Variants in KIRREL3 observed in about 807,000 individuals in gnomAD.
KIRREL3 encodes the protein kin of IRRE-like protein 3.
A neutral mutation model predicts 89.7 loss-of-function variants in KIRREL3; 36 were observed. The ratio of observed to expected loss-of-function variants is 0.40; its 90% confidence interval spans 0.31 to 0.53. The LOEUF (loss-of-function observed/expected upper bound fraction) is 0.53, where lower values mean the gene tolerates loss of function less well. Among genes scored for constraint, KIRREL3 ranks in the 20% least tolerant of loss-of-function variants. The pLI is 0.49. For missense variants in KIRREL3, 864 were observed against 1,056.6 expected, an observed-to-expected ratio of 0.82 and a Z score of 2.53; for synonymous variants, 445 against 441.4, an observed-to-expected ratio of 1.01 and a Z score of -0.10.
At position 126,795,043 on chromosome 11, in the gene KIRREL3, CA is replaced by C. The variant is rs1408136761; in HGVS notation, c.55+205411del. Among the ~76,000 whole-genome samples, 40 of 152,276 alleles carry C rather than the reference CA, an allele frequency of 2.6e-4. No individual in the cohort carries two copies. Among genetic ancestry groups the C allele is most frequent in the African/African-American group, 9.1e-4 (38 of 41,566 alleles). The stretch of plus-strand genomic sequence containing the variant: ...CTATATAATATTCTGGAAAGGCAGA[CA>C]AAAGAAAGTTCAGTGTTTGCCAGGG... On this transcript the variant is annotated intron_variant, in intron 1 of 16. Coordinates refer to ENST00000525144, the MANE Select transcript of KIRREL3 (RefSeq NM_032531.4). The surrounding 1 kb of genome is among the most constrained non-coding windows in gnomAD (Gnocchi z 4.1).
At chr11:126,968,106 G>A (rs1243719464) in intron 1 of KIRREL3, among the ~76,000 whole-genome samples, 1 of 152,230 alleles carries the variant, frequency 6.6e-6, no homozygotes, top group Middle Eastern at 3.2e-3. Context: ...TAAATGTAGA[G>A]TTGTTGGATT....
At position 126,931,381 on chromosome 11, in the gene KIRREL3, C is replaced by T. The variant is rs1947942423; in HGVS notation, c.55+69074G>A. On this transcript the variant is annotated intron_variant, in intron 1 of 16. Transcript: ENST00000525144. The surrounding 1 kb of genome is among the most constrained non-coding windows in gnomAD (Gnocchi z 5.1). Reference sequence around the variant, plus strand: ...TCCTTCTTTCCTTCCTTCCTCCCTACCCCACCCTACTTTCCTGTCAATCAC... The same window carrying T: ...TCCTTCTTTCCTTCCTTCCTCCCTATCCCACCCTACTTTCCTGTCAATCAC... Among the ~76,000 whole-genome samples the T allele has an allele frequency of 6.6e-6, 1 of 152,154 alleles. No homozygotes were observed. Among genetic ancestry groups the T allele is most frequent in the Non-Finnish European group, 1.5e-5 (1 of 68,032 alleles).
rs1946235623 is a variant in KIRREL3, at chr11:126,898,042, CT to C, written c.55+102412del. Among the ~76,000 whole-genome samples the C allele has an allele frequency of 1.3e-5, 2 of 152,158 alleles. No homozygotes were observed. Among genetic ancestry groups the C allele is most frequent in the South Asian group, 4.1e-4 (2 of 4,822 alleles). ...TTAGCAGTCATTGTGTGGCCTGGAG[CT>C]CACATGGGTTGGGAAGTTTGGACAA... On this transcript the variant is annotated intron_variant, in intron 1 of 16. Coordinates refer to ENST00000525144, the MANE Select transcript of KIRREL3 (RefSeq NM_032531.4). This position sits in a 1 kb window ranked among gnomAD's most constrained non-coding sequence, Gnocchi z 4.9.
chr11:126,478,619 G>A lies in KIRREL3; in HGVS notation c.434-5153C>T, dbSNP rs557585650. On this transcript the variant is annotated intron_variant, in intron 4 of 16. Transcript: ENST00000525144. ...TATATGTATATGCATGTATATGTGT[G>A]TATGTGTGTATGCGTGTGTATGTGT... Among the ~76,000 whole-genome samples, 30 of 106,506 alleles carry A rather than the reference G, an allele frequency of 2.8e-4. No individual in the cohort carries two copies. In the East Asian group the frequency reaches 0.011, roughly 38 times the overall value. The allele number at this position is 106,506 out of a possible 152,430, so 69.9% of individuals were successfully genotyped here.
In KIRREL3 at chr11:126,912,696, T is replaced by C. The variant is rs1946872559; in HGVS notation, c.55+87759A>G. On this transcript the variant is annotated intron_variant, in intron 1 of 16. Coordinates refer to ENST00000525144, the MANE Select transcript of KIRREL3 (RefSeq NM_032531.4). This position sits in a 1 kb window ranked among gnomAD's most constrained non-coding sequence, Gnocchi z 4.7. ...CCTGCTGTTCATCATGTTTCTGGGGTCTTTGTTTCAAATGTGAGGCACAAC... is the reference window on the plus strand; with the variant it reads ...CCTGCTGTTCATCATGTTTCTGGGGCCTTTGTTTCAAATGTGAGGCACAAC... Among the ~76,000 whole-genome samples, 1 of 152,170 alleles carries C rather than the reference T, an allele frequency of 6.6e-6. No individual in the cohort carries two copies. The highest frequency in any genetic ancestry group is 1.5e-5 in the Non-Finnish European group (1 of 68,038).
intron 4 of KIRREL3, among the ~76,000 whole-genome samples, chr11:126,497,633 T>C (rs1957716031): frequency 6.6e-6 from 1 of 152,220 alleles, no homozygotes; most frequent in Non-Finnish European, 1.5e-5. Context: ...GAGCAAACTC[T>C]CTTCTGGTTG....
intron 2 of KIRREL3, among the ~76,000 whole-genome samples, chr11:126,529,609 A>C (rs1958879648): frequency 6.8e-6 from 1 of 147,738 alleles, no homozygotes; most frequent in African/African-American, 2.5e-5. Context: ...TCTCAAAAAA[A>C]AAAAAAAAAG....
chr11:126,494,439 C>T (rs1957603496), intron 4 of KIRREL3, among the ~76,000 whole-genome samples: 1 of 152,116 alleles, frequency 6.6e-6, no homozygotes, highest in Admixed American at 6.5e-5. Flanking sequence ...CACGTTTTCC[C>T]TCTTGCTGCA....
In KIRREL3 at chr11:126,537,994, G is replaced by A. The variant is rs1366584933; in HGVS notation, c.134-11307C>T. ...AGACAGTGGGTGAGCCCTCCCATTG[G>A]CTCTGCCTCTTTCTTGAGCTTGGGA... On this transcript the variant is annotated intron_variant, in intron 2 of 16. Transcript: ENST00000525144. The surrounding 1 kb of genome is among the most constrained non-coding windows in gnomAD (Gnocchi z 4.3). Among the ~76,000 whole-genome samples, 1 of 151,562 alleles carries A rather than the reference G, an allele frequency of 6.6e-6. No homozygotes were observed. The highest frequency in any genetic ancestry group is 1.5e-5 in the Non-Finnish European group (1 of 67,912).
rs1299576902 is a variant in KIRREL3 at position 126,682,346 on chromosome 11, A to G, written c.56-119434T>C. 6.6e-6 allele frequency among the ~76,000 whole-genome samples: 1 copy of G among 152,196 alleles called. No homozygotes were observed. Among genetic ancestry groups the G allele is most frequent in the Admixed American group, 6.5e-5 (1 of 15,290 alleles). On this transcript the variant is annotated intron_variant, in intron 1 of 16. Coordinates refer to ENST00000525144, the MANE Select transcript of KIRREL3 (RefSeq NM_032531.4). This position sits in a 1 kb window ranked among gnomAD's most constrained non-coding sequence, Gnocchi z 4.8. ...ATGTAACTTAACCTCTCTGAAGCACAGTTTCCTCATCTGCAAAATGAGGAT... is the reference window on the plus strand; with the variant it reads ...ATGTAACTTAACCTCTCTGAAGCACGGTTTCCTCATCTGCAAAATGAGGAT...
chr11:126,961,183 A>C (rs1358618546), intron 1 of KIRREL3, among the ~76,000 whole-genome samples: 1 of 152,204 alleles, frequency 6.6e-6, no homozygotes, highest in African/African-American at 2.4e-5. Flanking sequence ...TAAGTGTTCA[A>C]GTGAAAGAGT....
chr11:126,444,037 C>A (rs76794518), intron 10 of KIRREL3, among the ~76,000 whole-genome samples: 1 of 152,202 alleles, frequency 6.6e-6, no homozygotes, highest in East Asian at 1.9e-4. Context: ...GTGCCACAAC[C>A]TTCTTGGGTC....
At chr11:126,820,492 G>A (rs1372208168) in intron 1 of KIRREL3, among the ~76,000 whole-genome samples, 1 of 152,110 alleles carries the variant, frequency 6.6e-6, no homozygotes, top group Non-Finnish European at 1.5e-5. Context: ...TCTATCCTGG[G>A]GAAATGAATA....
rs546894288 is a variant in KIRREL3, at chr11:126,815,383, G to T, written c.55+185072C>A. ...ACTGTGTGACCTGAGGCACACAACT[G>T]ACTTCTCTAAACCCTCATCTTATTT... On this transcript the variant is annotated intron_variant, in intron 1 of 16. Coordinates refer to ENST00000525144, the MANE Select transcript of KIRREL3 (RefSeq NM_032531.4). 3.9e-5 allele frequency among the ~76,000 whole-genome samples: 6 copies of T among 152,292 alleles called. No homozygotes were observed. In the South Asian group the frequency reaches 6.2e-4, roughly 16 times the overall value.
chr11:126,737,588 C>T (rs898934946), intron 1 of KIRREL3, among the ~76,000 whole-genome samples: 4 of 152,182 alleles, frequency 2.6e-5, no homozygotes, highest in South Asian at 2.1e-4. Flanking sequence ...CAGTAATACC[C>T]GTGCTGGATA....
intron 12 of KIRREL3, among the ~76,000 whole-genome samples, chr11:126,436,197 G>A (rs1279238746): frequency 2.6e-5 from 4 of 152,180 alleles, no homozygotes; most frequent in South Asian, 2.1e-4. Context: ...TTTGCCCAGC[G>A]CTGCCTTTGA....
intron 15 of KIRREL3, among the ~76,000 whole-genome samples, chr11:126,426,065 C>T (rs78850195): frequency 0.021 from 3,252 of 152,312 alleles, 105 homozygotes; most frequent in African/African-American, 0.069. Flanking sequence ...TGTAAAATGC[C>T]GGCCAGTTGC....
At position 126,522,292 on chromosome 11, in the gene KIRREL3, G is replaced by A. The variant is rs551806138; in HGVS notation, c.284-828C>T. On this transcript the variant is annotated intron_variant, in intron 3 of 16. Coordinates refer to ENST00000525144, the MANE Select transcript of KIRREL3 (RefSeq NM_032531.4). The surrounding 1 kb of genome is among the most constrained non-coding windows in gnomAD (Gnocchi z 6.0). ...ATTACAGAGAGAAGACAGTCAGAGA[G>A]AGAAGGAAGGAAAAAGAGAAATGTT... 1.2e-4 allele frequency among the ~76,000 whole-genome samples: 19 copies of A among 152,066 alleles called. No homozygotes were observed. Among genetic ancestry groups the A allele is most frequent in the Non-Finnish European group, 1.8e-4 (12 of 68,030 alleles).
At chr11:126,458,048 G>A (rs927944150) in intron 6 of KIRREL3, among the ~76,000 whole-genome samples, 5 of 152,144 alleles carry the variant, frequency 3.3e-5, no homozygotes, top group African/African-American at 1.2e-4. Flanking sequence ...TCCACACGCC[G>A]AGGGATGGGG....
Sources: gnomAD v4.1 joint callset for allele counts (sites outside exome capture counted in the v4.1 genomes callset) on GRCh38, gnomAD v4.1.1 for gene constraint, Gnocchi (gnomAD v3.1) non-coding constraint, MANE v1.5 for transcripts, NCBI Gene and HGNC (gene_info 2026-07-23, HGNC 2026-07-21) for gene names.